ASIC2: variants seen among roughly 807,000 people sequenced by gnomAD.
ASIC2 encodes acid sensing ion channel subunit 2, also known as acid-sensing ion channel 2.
In ASIC2, 25 loss-of-function variants were observed where a neutral mutation model predicts 57.3. The observed-to-expected ratio is 0.44, with a 90% CI of 0.32 to 0.61. ASIC2 has a LOEUF of 0.61. Among genes scored for constraint, ASIC2 ranks in the 20% least tolerant of loss-of-function variants. ASIC2 has a pLI of 0.06. For missense variants in ASIC2, 641 were observed against 738.1 expected, an observed-to-expected ratio of 0.87 and a Z score of 1.52; for synonymous variants, 319 against 307.5, an observed-to-expected ratio of 1.04 and a Z score of -0.39.
At chr17:33,509,381 G>C (rs1160454321) in intron 1 of ASIC2, among the ~76,000 whole-genome samples, 1 of 152,156 alleles carries the variant, frequency 6.6e-6, no homozygotes, top group East Asian at 1.9e-4. Flanking sequence ...CCACTTCACA[G>C]ATGAGTCAAG....
At chr17:33,624,611 A>G (rs114521287) in intron 1 of ASIC2, among the ~76,000 whole-genome samples, 95 of 152,356 alleles carry the variant, frequency 6.2e-4, no homozygotes, top group African/African-American at 2.2e-3. Context: ...TTGGAAGAAG[A>G]GTCTCAGGTT....
At chr17:33,087,213 C>G (rs1012922950) in intron 3 of ASIC2, among the ~76,000 whole-genome samples, 1 of 152,224 alleles carries the variant, frequency 6.6e-6, no homozygotes, top group African/African-American at 2.4e-5. Context: ...CTTCTTGACT[C>G]TCAAATCCTT....
intron 1 of ASIC2, among the ~76,000 whole-genome samples, chr17:34,099,212 G>GAAAGAAGGAAAGAAAGAAA (rs1567821074): frequency 1.0e-5 from 1 of 97,218 alleles, no homozygotes. Flanking sequence ...AAGAAAGAAA[G>GAAAGAAGGAAAGAAAGAAA]GAAAGAAAAG....
chr17:33,311,428 C>CTG (rs34323667), intron 1 of ASIC2, among the ~76,000 whole-genome samples: 42,342 of 147,954 alleles, frequency 0.29, 6,198 homozygotes, highest in Middle Eastern at 0.35. Context: ...GTCTGTCTAT[C>CTG]TGTGTGTGTG....
intron 1 of ASIC2, among the ~76,000 whole-genome samples, chr17:34,120,720 T>C (rs1189609475): frequency 8.8e-6 from 1 of 113,450 alleles, no homozygotes; most frequent in African/African-American, 3.0e-5. Context: ...ACTGGGGTCC[T>C]TCTTTTTTTT....
intron 1 of ASIC2, among the ~76,000 whole-genome samples, chr17:33,406,529 G>T (rs1910481558): frequency 6.6e-6 from 1 of 152,194 alleles, no homozygotes; most frequent in Non-Finnish European, 1.5e-5. Flanking sequence ...TCTCTTATTA[G>T]CTGTGTGTCC....
chr17:34,021,842 T>G lies in ASIC2; in HGVS notation c.555+134136A>C, dbSNP rs904620431. Among the ~76,000 whole-genome samples, 483 of 134,274 alleles carry G rather than the reference T, an allele frequency of 3.6e-3. 6 individuals carry two copies. In the East Asian group the frequency reaches 0.047, roughly 13 times the overall value. 88.1% of individuals were successfully genotyped at this position (134,274 alleles called of 152,430 possible). ...TTGGTTTTGTGTTTTGTTTTGTTTT[T>G]TTTTTTTTTTTTTGAGACAGAGTCT... On this transcript the variant is annotated intron_variant, in intron 1 of 9. Coordinates refer to the ASIC2 transcript ENST00000359872.
At chr17:33,163,398 C>T (rs62069671) in intron 1 of ASIC2, among the ~76,000 whole-genome samples, 5,831 of 152,002 alleles carry the variant, frequency 0.038, 138 homozygotes, top group South Asian at 0.066. Flanking sequence ...TCTGCACCAG[C>T]CCCTGCCTGC....
At chr17:33,367,776 A>T (rs1908874616) in intron 1 of ASIC2, among the ~76,000 whole-genome samples, 1 of 152,208 alleles carries the variant, frequency 6.6e-6, no homozygotes, top group African/African-American at 2.4e-5. Context: ...CAAAACAATA[A>T]CCTAGCTGAG....
chr17:34,039,554 C>T lies in ASIC2; in HGVS notation c.555+116424G>A, dbSNP rs1279286104. The T allele has an allele frequency of 5.6e-6, 9 of 1,613,828 alleles. No individual in the cohort carries two copies. The East Asian group carries it at 2.0e-4, about 36-fold the overall frequency. On this transcript the variant is annotated intron_variant, in intron 1 of 9. Transcript: ENST00000359872. ...GAATGTTGCAGTGAGGATCGTGCAA[C>T]TGGTGGAACACTTCTGCCAGGGCTG... is the stretch of plus-strand genomic sequence containing the variant.
intron 1 of ASIC2, among the ~76,000 whole-genome samples, chr17:34,047,329 C>T (rs1249260742): frequency 6.6e-6 from 1 of 151,906 alleles, no homozygotes; most frequent in Non-Finnish European, 1.5e-5. Flanking sequence ...CTTCATGAAG[C>T]CTACAGATTC....
intron 1 of ASIC2, among the ~76,000 whole-genome samples, chr17:33,645,086 C>T (rs1019912426): frequency 2.6e-5 from 4 of 152,188 alleles, no homozygotes; most frequent in African/African-American, 9.7e-5. Context: ...GCATTCACCT[C>T]ATGATCTCCT....
At chr17:33,122,117 G>A (rs1285757898) in intron 1 of ASIC2, among the ~76,000 whole-genome samples, 1 of 152,184 alleles carries the variant, frequency 6.6e-6, no homozygotes, top group African/African-American at 2.4e-5. Context: ...AAAGAGTGAG[G>A]GAGAATGTGT....
chr17:33,014,133 G>A lies in ASIC2; in HGVS notation c.1591-67C>T, dbSNP rs927559327. The A allele has an allele frequency of 2.9e-5, 37 of 1,297,094 alleles. 1 individual carries two copies. Among genetic ancestry groups the A allele is most frequent in the South Asian group, 2.0e-4 (16 of 78,842 alleles). 80.3% of individuals were successfully genotyped at this position (1,297,094 alleles called of 1,614,324 possible). ...AAAAATTCTTCATGATGCCACCAGCGGCCCAGCCTAGGCCCTGGGGAAGGT... is the reference window on the plus strand; with the variant it reads ...AAAAATTCTTCATGATGCCACCAGCAGCCCAGCCTAGGCCCTGGGGAAGGT... On this transcript the variant is annotated intron_variant, in intron 9 of 9. Coordinates refer to ENST00000225823, the MANE Select transcript of ASIC2 (RefSeq NM_183377.2).
intron 1 of ASIC2, among the ~76,000 whole-genome samples, chr17:34,032,897 TC>T (rs1177390071): frequency 7.9e-5 from 12 of 152,210 alleles, no homozygotes; most frequent in Non-Finnish European, 2.9e-5. Flanking sequence ...GACTTAAGAC[TC>T]CCACACAATA....
rs1248184963 is a variant in ASIC2, at chr17:34,029,550, A to G, written c.555+126428T>C. On this transcript the variant is annotated intron_variant, in intron 1 of 9. Transcript: ENST00000359872. ...TCATATGTTGAAGCCCTAACCCCCA[A>G]TATGACTGTAGTATTTGGAGATAGG... 3.3e-5 allele frequency among the ~76,000 whole-genome samples: 5 copies of G among 152,210 alleles called. No homozygotes were observed. The South Asian group carries it at 6.2e-4, about 19-fold the overall frequency.
At chr17:33,573,598 C>T (rs2141993537) in intron 1 of ASIC2, among the ~76,000 whole-genome samples, 2 of 152,258 alleles carry the variant, frequency 1.3e-5, no homozygotes, top group African/African-American at 4.8e-5. Context: ...CAGAGTCTTG[C>T]TCTGTCACCC....
chr17:33,620,071 C>T (rs1390125633), intron 1 of ASIC2, among the ~76,000 whole-genome samples: 1 of 151,962 alleles, frequency 6.6e-6, no homozygotes, highest in Non-Finnish European at 1.5e-5. Flanking sequence ...AAATAATATT[C>T]TTCTGATCCT....
chr17:33,453,900 T>A (rs935714801), intron 1 of ASIC2, among the ~76,000 whole-genome samples: 3 of 152,246 alleles, frequency 2.0e-5, no homozygotes, highest in Non-Finnish European at 2.9e-5. Flanking sequence ...TTTTTTGGTC[T>A]GTCTTCTTTC....
Sources: gnomAD v4.1 joint callset for allele counts (sites outside exome capture counted in the v4.1 genomes callset) on GRCh38, gnomAD v4.1.1 for gene constraint, MANE v1.5 for transcripts, NCBI Gene and HGNC (gene_info 2026-07-23, HGNC 2026-07-21) for gene names.